The following ASAP2 variants were observed in gnomAD, a reference collection of about 807,000 sequenced individuals.
ASAP2 encodes the protein ArfGAP with SH3 domain, ankyrin repeat and PH domain 2, also known as arf-GAP with SH3 domain, ANK repeat and PH domain-containing protein 2.
Under a neutral mutation model 131.4 loss-of-function variants are expected in ASAP2, and 45 were observed. The ratio of observed to expected loss-of-function variants is 0.34; its 90% confidence interval spans 0.27 to 0.44. The LOEUF is 0.44. Among genes scored for constraint, ASAP2 ranks in the 20% least tolerant of loss-of-function variants. The probability of loss-of-function intolerance (pLI) is 1.00; values close to 1 mark genes in which losing one functional copy is unlikely to be tolerated. For missense variants in ASAP2, 1,011 were observed against 1,297.0 expected, an observed-to-expected ratio of 0.78 and a Z score of 3.39; for synonymous variants, 510 against 503.0, an observed-to-expected ratio of 1.01 and a Z score of -0.19.
chr2:9,376,770 A>T, intron 17 of ASAP2, 138 bp from the exon 18 acceptor site: 1 of 736,530 alleles, frequency 1.4e-6, no homozygotes. Context: ...GAGATTAAAG[A>T]GACTCTATGT....
intron 2 of ASAP2, among the ~76,000 whole-genome samples, chr2:9,287,095 G>C (rs908002490): frequency 6.6e-6 from 1 of 152,264 alleles, no homozygotes; most frequent in Non-Finnish European, 1.5e-5. Flanking sequence ...AGTTGGAGGA[G>C]CTGAGATTCA....
chr2:9,321,593 G>A (rs1046024045), intron 5 of ASAP2, among the ~76,000 whole-genome samples: 18 of 152,116 alleles, frequency 1.2e-4, no homozygotes, highest in African/African-American at 4.3e-4. Flanking sequence ...AATTGAGCCA[G>A]GCCAGGAAGC....
chr2:9,316,302 C>G (rs1230546802), intron 3 of ASAP2, among the ~76,000 whole-genome samples: 1 of 146,888 alleles, frequency 6.8e-6, no homozygotes, highest in African/African-American at 2.5e-5. Flanking sequence ...GACCCTGTTT[C>G]AAAAAAAAAG....
chr2:9,288,210 G>A (rs1234350981), intron 2 of ASAP2, among the ~76,000 whole-genome samples: 1 of 152,138 alleles, frequency 6.6e-6, no homozygotes, highest in Non-Finnish European at 1.5e-5. Context: ...AAGCAAAAAA[G>A]CTCAGACCTT....
At chr2:9,316,803 C>T (rs1190579152) in intron 3 of ASAP2, among the ~76,000 whole-genome samples, 6 of 152,000 alleles carry the variant, frequency 3.9e-5, no homozygotes, top group Admixed American at 2.0e-4. Context: ...TCCATGCGGA[C>T]GGTGTGTGTC....
At chr2:9,259,964 G>A (rs1169702337) in intron 1 of ASAP2, among the ~76,000 whole-genome samples, 3 of 152,138 alleles carry the variant, frequency 2.0e-5, no homozygotes, top group Non-Finnish European at 2.9e-5. Context: ...CAGTGTCTGC[G>A]CATCGCCCCC....
intron 21 of ASAP2, among the ~76,000 whole-genome samples, chr2:9,386,967 G>A (rs1370819895): frequency 1.3e-5 from 2 of 152,176 alleles, no homozygotes; most frequent in African/African-American, 2.4e-5. Flanking sequence ...CACTTTGGGA[G>A]GCTGAGGCGG....
At chr2:9,383,133 C>G (rs1011725173) in intron 20 of ASAP2, among the ~76,000 whole-genome samples, 1 of 151,470 alleles carries the variant, frequency 6.6e-6, no homozygotes, top group Non-Finnish European at 1.5e-5. Flanking sequence ...AGTCATGAGT[C>G]AGGTTCAGTG....
intron 20 of ASAP2, among the ~76,000 whole-genome samples, chr2:9,384,314 G>A (rs1675093093): frequency 6.6e-6 from 1 of 152,208 alleles, no homozygotes; most frequent in Non-Finnish European, 1.5e-5. Context: ...CAGCCTGTGA[G>A]GCCAGAAGCA....
Position 9,355,504 on chromosome 2 carries a change from G to A in ASAP2, c.1112-543G>A, listed in dbSNP as rs367714536. On this transcript the variant is annotated intron_variant, in intron 12 of 27. Coordinates refer to ENST00000281419, the MANE Select transcript of ASAP2 (RefSeq NM_003887.3). Reference sequence around the variant, plus strand: ...AGGTCCACAGCCTGGCAAAACACTTGTAAAACTGTGCTGACACCAGCAGTA... The same window carrying A: ...AGGTCCACAGCCTGGCAAAACACTTATAAAACTGTGCTGACACCAGCAGTA... Among the ~76,000 whole-genome samples the A allele has an allele frequency of 3.6e-4, 55 of 152,284 alleles. No homozygotes were observed. In the East Asian group the frequency reaches 0.01, roughly 28 times the overall value.
In ASAP2 at chr2:9,207,196, C is replaced by T. The variant is rs140100102; in HGVS notation, c.92C>T (p.Ala31Val). The change falls in exon 1 of 28, where the codon GCG becomes GTG. Residue 31 changes from alanine (A) to valine (V), a missense_variant. Transcript: ENST00000281419. The surrounding 1 kb of genome is among the most constrained non-coding windows in gnomAD (Gnocchi z 4.1). ...GCCTCCAGCTTCACCACCCGCACGG[C>T]GCAGTGCCGGAACACTGTGGCGGCC... Reference protein sequence around the residue: ...PTASSFTTRTAQCRNTVAAIE... With the variant: ...PTASSFTTRTVQCRNTVAAIE... The T allele has an allele frequency of 2.2e-4, 356 of 1,602,054 alleles. No homozygotes were observed. Among genetic ancestry groups the T allele is most frequent in the Non-Finnish European group, 2.9e-4 (339 of 1,175,342 alleles).
intron 2 of ASAP2, among the ~76,000 whole-genome samples, chr2:9,283,209 C>T (rs997236321): frequency 2.6e-5 from 4 of 152,158 alleles, no homozygotes; most frequent in Non-Finnish European, 4.4e-5. Context: ...TCCCAAGTAG[C>T]TGGGATTACA....
At chr2:9,289,793 T>G (rs1324406196) in intron 2 of ASAP2, among the ~76,000 whole-genome samples, 1 of 152,186 alleles carries the variant, frequency 6.6e-6, no homozygotes, top group Admixed American at 6.5e-5. Flanking sequence ...TTGGCCTGAT[T>G]AGTGAACTCC....
chr2:9,308,734 C>G (rs145634845), intron 3 of ASAP2, among the ~76,000 whole-genome samples: 3 of 152,074 alleles, frequency 2.0e-5, no homozygotes, highest in African/African-American at 7.2e-5. Context: ...TAGCCAACTC[C>G]GCTGCTAATA....
intron 21 of ASAP2, among the ~76,000 whole-genome samples, chr2:9,386,386 T>TA (rs912647498): frequency 0.026 from 3,792 of 145,264 alleles, 60 homozygotes; most frequent in Non-Finnish European, 0.04. Context: ...TAACCTGCCT[T>TA]AAAAAAAAAA....
chr2:9,212,369 C>T (rs1038992556), intron 1 of ASAP2, among the ~76,000 whole-genome samples: 2 of 152,018 alleles, frequency 1.3e-5, no homozygotes, highest in African/African-American at 2.4e-5. Flanking sequence ...TGAGGGAGGG[C>T]CTTATATGAT....
At chr2:9,372,421 G>A (rs1674051829) in intron 16 of ASAP2, among the ~76,000 whole-genome samples, 1 of 152,096 alleles carries the variant, frequency 6.6e-6, no homozygotes, top group Admixed American at 6.5e-5. Context: ...AATCCTGAAT[G>A]TTCCAGAAAC....
At chr2:9,243,014 C>G (rs1000807876) in intron 1 of ASAP2, among the ~76,000 whole-genome samples, 3 of 152,274 alleles carry the variant, frequency 2.0e-5, no homozygotes, top group African/African-American at 7.2e-5. Context: ...TAAGTATTAT[C>G]GGGAGAAGAA....
At chr2:9,275,015 G>A (rs1421517376) in intron 1 of ASAP2, among the ~76,000 whole-genome samples, 1 of 151,632 alleles carries the variant, frequency 6.6e-6, no homozygotes, top group African/African-American at 2.4e-5. Context: ...TATGTTGTCT[G>A]TGAGCAGCCT....
Sources: gnomAD v4.1 joint callset for allele counts (sites outside exome capture counted in the v4.1 genomes callset) on GRCh38, gnomAD v4.1.1 for gene constraint, Gnocchi (gnomAD v3.1) non-coding constraint, MANE v1.5 for transcripts, NCBI Gene and HGNC (gene_info 2026-07-23, HGNC 2026-07-21) for gene names.